CTSC: variants seen among roughly 807,000 people sequenced by gnomAD.
CTSC encodes cathepsin C.
A neutral mutation model predicts 40.9 loss-of-function variants in CTSC; 37 were observed. The observed-to-expected ratio is 0.91, with a 90% CI of 0.70 to 1.19. The LOEUF is 1.19. CTSC is among the 50% of genes most tolerant of loss of function. CTSC has a pLI of 0.00. For synonymous variants in CTSC, 232 were observed against 207.4 expected, an observed-to-expected ratio of 1.12 and a Z score of -1.02; for missense variants, 594 against 567.3, an observed-to-expected ratio of 1.05 and a Z score of -0.48.
At chr11:88,332,021 A>C (rs1938373581) in intron 2 of CTSC, among the ~76,000 whole-genome samples, 1 of 152,226 alleles carries the variant, frequency 6.6e-6, no homozygotes, top group Admixed American at 6.5e-5. Flanking sequence ...AATAAGAAAC[A>C]ATCTACTTCA....
intron 2 of CTSC, among the ~76,000 whole-genome samples, chr11:88,331,983 C>CTT (rs1019033871): frequency 1.3e-5 from 2 of 152,176 alleles, no homozygotes; most frequent in South Asian, 4.1e-4. Context: ...CATGTACCAA[C>CTT]TACTCAACAA....
intron 2 of CTSC, chr11:88,324,403 T>G: frequency 1.0e-6 from 1 of 983,902 alleles, no homozygotes; most frequent in Non-Finnish European, 1.2e-6. Flanking sequence ...GCAATTCTTT[T>G]AAAACTCTGC....
chr11:88,309,244 G>T lies in CTSC; in HGVS notation c.560C>A (p.Ala187Glu). ...AGTCTCATATTCCATGTATGTAGTT[G>T]CAGTCCAAGACTTCTGAATGGCATT... ...AINAIQKSWT[A>E]TTYMEYETLT... The change falls in exon 4 of 7, where the codon GCA becomes GAA. Residue 187 changes from alanine (A) to glutamate (E), a missense_variant. By Grantham distance (107) the Ala-to-Glu change is moderately radical. Coordinates refer to ENST00000227266, the MANE Select transcript of CTSC (RefSeq NM_001814.6). 1 of 1,613,404 alleles carries T rather than the reference G, an allele frequency of 6.2e-7. No homozygotes were observed. Among genetic ancestry groups the T allele is most frequent in the Non-Finnish European group, 8.5e-7 (1 of 1,179,406 alleles).
chr11:88,299,647 C>T (rs1345600494), intron 5 of CTSC: 2 of 152,252 alleles, frequency 1.3e-5, no homozygotes, highest in African/African-American at 4.8e-5. Context: ...GAAAGGGAAA[C>T]AACAGTTTAT....
intron 3 of CTSC, among the ~76,000 whole-genome samples, chr11:88,310,391 TTA>T (rs1387957183): frequency 6.6e-6 from 1 of 152,136 alleles, no homozygotes; most frequent in Non-Finnish European, 1.5e-5. Flanking sequence ...ATGCTAGGAA[TTA>T]TAGAACTCAC....
intron 3 of CTSC, 38 bp from the exon 4 acceptor site, chr11:88,309,356 T>C: frequency 6.5e-7 from 1 of 1,536,906 alleles, no homozygotes; most frequent in Non-Finnish European, 9.0e-7. Flanking sequence ...ATATAGTCTT[T>C]ACTGATGTAA....
chr11:88,333,553 G>C (rs750817735), intron 2 of CTSC, among the ~76,000 whole-genome samples: 11 of 152,212 alleles, frequency 7.2e-5, no homozygotes, highest in Non-Finnish European at 1.3e-4. Context: ...AAGAACCTTT[G>C]AAGGGCTGTG....
chr11:88,299,745 C>A (rs1183847003), intron 5 of CTSC: 1 of 152,106 alleles, frequency 6.6e-6, no homozygotes, highest in Non-Finnish European at 1.5e-5. Context: ...TTTATAGTAA[C>A]AAATCAGCCA....
chr11:88,312,653 A>G, intron 2 of CTSC, 99 bp from the exon 3 acceptor site: 1 of 1,324,016 alleles, frequency 7.6e-7, no homozygotes, highest in Non-Finnish European at 1.1e-6. Context: ...GCCCCTTTCA[A>G]AACAAAAACT....
In CTSC at chr11:88,312,406, A is replaced by C; in HGVS notation, c.467T>G (p.Leu156Arg). Residue 156 changes from leucine (L) to arginine (R), a missense_variant, in exon 3 of 7, where the codon CTT becomes CGT. Leu to Arg is a moderately radical substitution (Grantham distance 102, BLOSUM62 -2). Transcript: ENST00000227266. The part of the protein sequence containing the change: ...SENVYVNIAH[L>R]KNSQEKYSNR... ...AACTCACTTTTCCTGAGAATTCTTA[A>C]GGTGTGCTATGTTGACATACACATT... The C allele has an allele frequency of 1.2e-6, 2 of 1,614,156 alleles. No homozygotes were observed. Among genetic ancestry groups the C allele is most frequent in the Non-Finnish European group, 1.7e-6 (2 of 1,179,982 alleles).
intron 3 of CTSC, among the ~76,000 whole-genome samples, chr11:88,311,786 A>C (rs890690355): frequency 6.6e-6 from 1 of 152,196 alleles, no homozygotes; most frequent in Non-Finnish European, 1.5e-5. Context: ...ACAATCAGAA[A>C]AGACTGTTTA....
At chr11:88,310,513 T>A (rs1288966353) in intron 3 of CTSC, among the ~76,000 whole-genome samples, 1 of 152,130 alleles carries the variant, frequency 6.6e-6, no homozygotes, top group African/African-American at 2.4e-5. Context: ...TGAGGAACAT[T>A]TTAGGCATAC....
intron 2 of CTSC, among the ~76,000 whole-genome samples, chr11:88,328,363 A>G (rs1938250157): frequency 6.6e-6 from 1 of 152,242 alleles, no homozygotes; most frequent in African/African-American, 2.4e-5. Flanking sequence ...AACAAAACAA[A>G]AAAAAGACAA....
intron 2 of CTSC, among the ~76,000 whole-genome samples, chr11:88,328,441 T>C (rs1436989174): frequency 1.3e-5 from 2 of 152,180 alleles, no homozygotes; most frequent in Non-Finnish European, 2.9e-5. Context: ...TCTTCTAAAA[T>C]TGTTATATCT....
intron 2 of CTSC, among the ~76,000 whole-genome samples, chr11:88,316,983 T>C (rs78770482): frequency 6.6e-6 from 1 of 152,086 alleles, no homozygotes; most frequent in African/African-American, 2.4e-5. Flanking sequence ...TTTTTTTTTT[T>C]CAAGATGGAG....
intron 2 of CTSC, chr11:88,327,966 C>G: frequency 1.5e-6 from 1 of 688,498 alleles, no homozygotes; most frequent in South Asian, 1.6e-5. Flanking sequence ...AGCAGACAAG[C>G]AGGCTCAAGC....
chr11:88,329,399 T>C (rs1471769527), intron 2 of CTSC, among the ~76,000 whole-genome samples: 1 of 137,758 alleles, frequency 7.3e-6, no homozygotes, highest in Non-Finnish European at 1.5e-5. Flanking sequence ...GGACAATCTC[T>C]TAAACCCAGG....
chr11:88,321,045 T>C (rs1388289281), intron 2 of CTSC: 1 of 985,020 alleles, frequency 1.0e-6, no homozygotes, highest in Non-Finnish European at 1.2e-6. Context: ...TCACTGAATC[T>C]TCTCTTCCAT....
intron 4 of CTSC, among the ~76,000 whole-genome samples, chr11:88,304,833 C>A (rs72964964): frequency 0.065 from 9,861 of 152,236 alleles, 418 homozygotes; most frequent in Non-Finnish European, 0.096. Context: ...TTTGGTGGCT[C>A]ACATCTGTAA....
Sources: gnomAD v4.1 joint callset for allele counts (sites outside exome capture counted in the v4.1 genomes callset) on GRCh38, gnomAD v4.1.1 for gene constraint, MANE v1.5 for transcripts, NCBI Gene and HGNC (gene_info 2026-07-23, HGNC 2026-07-21) for gene names.